The following STXBP5 variants were observed in gnomAD, a reference collection of about 807,000 sequenced individuals.
STXBP5 encodes the protein syntaxin-binding protein 5.
Under a neutral mutation model 152.4 loss-of-function variants are expected in STXBP5, and 50 were observed. The ratio of observed to expected loss-of-function variants is 0.33; its 90% confidence interval spans 0.26 to 0.42. The LOEUF (loss-of-function observed/expected upper bound fraction) is 0.42. STXBP5 is among the 10% of genes least tolerant of loss of function. The pLI is 1.00. For synonymous variants in STXBP5, 492 were observed against 494.7 expected (o/e 0.99, Z 0.07); for missense variants, 1,167 against 1,388.6 (o/e 0.84, Z 2.54).
rs143628710 is a variant in STXBP5 at position 147,301,382 on chromosome 6, G to C, written c.918-8702G>C. 1.4e-4 allele frequency among the ~76,000 whole-genome samples: 21 copies of C among 152,180 alleles called. 1 individual carries two copies. The East Asian group carries it at 4.1e-3, about 29-fold the overall frequency. On this transcript the variant is annotated intron_variant, in intron 9 of 27. Transcript: ENST00000321680. ...TTGTGATTATGGCACTTGGTCTTAC[G>C]TCTGTTAAGAAAAAGTCCACAGGCA...
intron 16 of STXBP5, 116 bp downstream of exon 16, chr6:147,316,523 G>T: frequency 1.1e-6 from 1 of 950,310 alleles, no homozygotes; most frequent in Non-Finnish European, 1.4e-6. Flanking sequence ...GCATAAGAAT[G>T]GTTCTTCCTG....
intron 25 of STXBP5, among the ~76,000 whole-genome samples, chr6:147,368,785 T>C (rs1453882678): frequency 6.6e-6 from 1 of 152,066 alleles, no homozygotes; most frequent in Non-Finnish European, 1.5e-5. Flanking sequence ...AAAATAATTT[T>C]ATTTCTATAT....
At chr6:147,346,192 G>T (rs1445201194) in intron 21 of STXBP5, among the ~76,000 whole-genome samples, 1 of 152,180 alleles carries the variant, frequency 6.6e-6, no homozygotes, top group Non-Finnish European at 1.5e-5. Context: ...AGTGAAACGA[G>T]CTAGCTGGGT....
At chr6:147,247,379 G>A (rs1778861337) in intron 4 of STXBP5, among the ~76,000 whole-genome samples, 1 of 152,172 alleles carries the variant, frequency 6.6e-6, no homozygotes, top group African/African-American at 2.4e-5. Flanking sequence ...TGGGAAGATG[G>A]GGGATCTGCT....
chr6:147,382,599 C>T (rs1388422223), intron 26 of STXBP5, among the ~76,000 whole-genome samples, 179 bp from the exon 27 acceptor site: 3 of 151,962 alleles, frequency 2.0e-5, no homozygotes, highest in Admixed American at 6.6e-5. Context: ...GAAAAAGTAT[C>T]TAAAAATTAT....
intron 2 of STXBP5, among the ~76,000 whole-genome samples, chr6:147,233,339 T>C (rs913105500): frequency 6.6e-6 from 1 of 151,786 alleles, no homozygotes; most frequent in Non-Finnish European, 1.5e-5. Context: ...ACTGGAAATC[T>C]TATACCTGGA....
At chr6:147,336,429 A>G (rs1055770749) in intron 19 of STXBP5, among the ~76,000 whole-genome samples, 1 of 151,936 alleles carries the variant, frequency 6.6e-6, no homozygotes, top group Non-Finnish European at 1.5e-5. Flanking sequence ...TTAACATTCT[A>G]ATAGGAAAAT....
Position 147,339,256 on chromosome 6 carries a change from T to A in STXBP5, c.2206+18T>A. The A allele has an allele frequency of 6.6e-7, 1 of 1,517,760 alleles. No homozygotes were observed. Among genetic ancestry groups the A allele is most frequent in the Non-Finnish European group, 8.8e-7 (1 of 1,133,084 alleles). The allele number at this position is 1,517,760 out of a possible 1,614,324, so 94.0% of individuals were successfully genotyped here. On this transcript the variant is annotated intron_variant, in intron 20 of 27. Transcript: ENST00000321680. ...AGAAAAGGGTATAGTATCTTGATTT[T>A]AAAGTATTTTCTTTTATGTTTAATT...
At position 147,233,637 on chromosome 6, in the gene STXBP5, C is replaced by T. The variant is rs925758133; in HGVS notation, c.249-1613C>T. Reference sequence around the variant, plus strand: ...GCCAGAAAGAATAATTTAGCTGAAGCGATTAGAATTAGACTCACTATACTG... The same window carrying T: ...GCCAGAAAGAATAATTTAGCTGAAGTGATTAGAATTAGACTCACTATACTG... On this transcript the variant is annotated intron_variant, in intron 2 of 27. Coordinates refer to ENST00000321680, the MANE Select transcript of STXBP5 (RefSeq NM_001127715.4). Among the ~76,000 whole-genome samples, 9 of 151,462 alleles carry T rather than the reference C, an allele frequency of 5.9e-5. 1 individual carries two copies. In the South Asian group the frequency reaches 1.5e-3, roughly 24 times the overall value.
chr6:147,333,291 G>A (rs1408835024), intron 18 of STXBP5, among the ~76,000 whole-genome samples: 1 of 152,132 alleles, frequency 6.6e-6, no homozygotes, highest in Non-Finnish European at 1.5e-5. Flanking sequence ...GGAGGCCTAG[G>A]TGGGTGGATC....
At chr6:147,262,247 T>A in intron 5 of STXBP5, 43 bp from the exon 6 acceptor site, 1 of 1,226,156 alleles carries the variant, frequency 8.2e-7, no homozygotes, top group Non-Finnish European at 1.2e-6. Context: ...CATATTAAAA[T>A]TCTTAACTGA....
chr6:147,271,319 C>T (rs1179368451), intron 7 of STXBP5, among the ~76,000 whole-genome samples: 3 of 151,992 alleles, frequency 2.0e-5, no homozygotes, highest in African/African-American at 4.8e-5. Flanking sequence ...TTAATATCAA[C>T]CAAGTAGGTA....
chr6:147,216,724 G>A (rs935516017), intron 2 of STXBP5, among the ~76,000 whole-genome samples: 5 of 152,090 alleles, frequency 3.3e-5, no homozygotes, highest in Non-Finnish European at 5.9e-5. Flanking sequence ...ATGATAACAT[G>A]CTGAGCATAT....
rs3737241 is a variant in STXBP5 at position 147,235,404 on chromosome 6, A to C, written c.330+73A>C. 3 of 1,145,948 alleles carry C rather than the reference A, an allele frequency of 2.6e-6. No homozygotes were observed. In the African/African-American group the frequency reaches 4.7e-5, roughly 18 times the overall value. 71.0% of individuals were successfully genotyped at this position (1,145,948 alleles called of 1,614,324 possible). A position where few individuals can be genotyped will look rare whatever the true frequency, so the allele number is the denominator to read the frequency against. On this transcript the variant is annotated intron_variant, in intron 3 of 27. Coordinates refer to ENST00000321680, the MANE Select transcript of STXBP5 (RefSeq NM_001127715.4). The stretch of plus-strand genomic sequence containing the variant: ...ACTTCTAGTCTTTCAGATTTCTTAC[A>C]TGCATTCACAATTTATTTACATATT...
At chr6:147,226,520 G>A (rs930241805) in intron 2 of STXBP5, among the ~76,000 whole-genome samples, 6 of 152,060 alleles carry the variant, frequency 3.9e-5, no homozygotes, top group African/African-American at 1.4e-4. Context: ...GTGTAATTCA[G>A]CCAAAGATGG....
chr6:147,227,439 C>G (rs976102462), intron 2 of STXBP5, among the ~76,000 whole-genome samples: 2 of 152,122 alleles, frequency 1.3e-5, no homozygotes, highest in African/African-American at 4.8e-5. Flanking sequence ...AATAAAATCT[C>G]TTGCCAATGT....
chr6:147,294,098 G>A (rs1052386127), intron 9 of STXBP5, among the ~76,000 whole-genome samples: 1 of 152,164 alleles, frequency 6.6e-6, no homozygotes, highest in Non-Finnish European at 1.5e-5. Flanking sequence ...TTTAGTGGCA[G>A]TTTTATTATG....
intron 2 of STXBP5, among the ~76,000 whole-genome samples, chr6:147,221,562 T>C (rs2115090943): frequency 6.6e-6 from 1 of 152,130 alleles, no homozygotes; most frequent in South Asian, 2.1e-4. Flanking sequence ...TTTAACTTTC[T>C]GCACTTTAAA....
chr6:147,236,319 T>C (rs1778266917), intron 3 of STXBP5, among the ~76,000 whole-genome samples: 1 of 152,194 alleles, frequency 6.6e-6, no homozygotes. Context: ...TAAATTTTTT[T>C]TAATTAAAAT....
Sources: allele counts gnomAD v4.1 joint callset (sites outside exome capture counted in the v4.1 genomes callset), GRCh38; gene constraint gnomAD v4.1.1; transcripts MANE v1.5; gene names NCBI Gene and HGNC (gene_info 2026-07-23, HGNC 2026-07-21).